ERC1: variants seen among roughly 807,000 people sequenced by gnomAD.
ERC1 encodes ELKS/RAB6-interacting/CAST family member 1, also known as RAB6 interacting protein 2.
ERC1 carries 56 observed loss-of-function variants against 132.0 expected under a neutral mutation model. The ratio of observed to expected loss-of-function variants is 0.42; its 90% CI spans 0.34 to 0.53. The LOEUF is 0.53. Ranked by LOEUF, ERC1 falls within the 20% of genes least tolerant of loss-of-function variation. The probability of loss-of-function intolerance (pLI) is 0.03; values close to 1 mark genes in which losing one functional copy is unlikely to be tolerated. For missense variants in ERC1, 1,202 were observed against 1,349.9 expected, an observed-to-expected ratio of 0.89 and a Z score of 1.72; for synonymous variants, 478 against 476.1, an observed-to-expected ratio of 1.00 and a Z score of -0.05.
At chr12:1,092,376 T>C (rs937669841) in intron 3 of ERC1, among the ~76,000 whole-genome samples, 10 of 152,242 alleles carry the variant, frequency 6.6e-5, no homozygotes, top group African/African-American at 2.4e-4. Flanking sequence ...CTTGGTGTCA[T>C]GTTAACAGTC....
chr12:1,355,437 C>T (rs2085430868), intron 15 of ERC1, among the ~76,000 whole-genome samples: 1 of 152,142 alleles, frequency 6.6e-6, no homozygotes. Flanking sequence ...ATATAGCCCC[C>T]TATTAAAGAT....
intron 1 of ERC1, among the ~76,000 whole-genome samples, chr12:1,007,894 CA>C (rs1396332935): frequency 1.3e-5 from 2 of 152,066 alleles, no homozygotes; most frequent in Non-Finnish European, 1.5e-5. Context: ...ATGTGTTTAA[CA>C]GCAGTATGGG....
chr12:1,110,363 A>G lies in ERC1; in HGVS notation c.1317+16A>G. ...GAAAAATAAGGTAATGGCATGTGAG[A>G]CTTTTGATTCTTAAAAGGAGTTTGA... is the stretch of plus-strand genomic sequence containing the variant. On this transcript the variant is annotated intron_variant, in intron 5 of 18. Transcript: ENST00000360905. 2 of 1,574,030 alleles carry G rather than the reference A, an allele frequency of 1.3e-6. No individual in the cohort carries two copies. The highest frequency in any genetic ancestry group is 1.7e-6 in the Non-Finnish European group (2 of 1,162,318).
chr12:1,298,137 C>T (rs188673260), intron 15 of ERC1, among the ~76,000 whole-genome samples: 387 of 152,210 alleles, frequency 2.5e-3, no homozygotes, highest in African/African-American at 8.6e-3. Flanking sequence ...AGATAGATTA[C>T]GAAGTGTTCG....
intron 12 of ERC1, among the ~76,000 whole-genome samples, chr12:1,191,444 TC>T (rs1955727197): frequency 6.6e-6 from 1 of 152,184 alleles, no homozygotes; most frequent in Admixed American, 6.5e-5. Context: ...ATTAGTGACT[TC>T]CCACTAAATA....
chr12:1,410,991 G>T (rs1254372258), intron 17 of ERC1, among the ~76,000 whole-genome samples: 1 of 151,784 alleles, frequency 6.6e-6, no homozygotes, highest in African/African-American at 2.4e-5. Context: ...TCAGCACCTC[G>T]GACACATCCC....
At chr12:1,187,996 C>T (rs1955299185) in intron 11 of ERC1, among the ~76,000 whole-genome samples, 1 of 152,070 alleles carries the variant, frequency 6.6e-6, no homozygotes, top group South Asian at 2.1e-4. Context: ...TAAGGACTCA[C>T]CAGCGTGTAT....
Position 1,139,595 on chromosome 12 carries a change from C to T in ERC1, c.1570-2025C>T, listed in dbSNP as rs149939079. Among the ~76,000 whole-genome samples, 271 of 151,986 alleles carry T rather than the reference C, an allele frequency of 1.8e-3. 3 individuals are homozygous for T. The highest frequency in any genetic ancestry group is 5.3e-3 in the African/African-American group (220 of 41,448). ...GGGGGTCTTGGATTATATTCTTCGA[C>T]GACAAGGGGGGATTACTGTATATGG... On this transcript the variant is annotated intron_variant, in intron 7 of 18. Transcript: ENST00000360905.
At chr12:1,207,010 G>A (rs763763190) in intron 12 of ERC1, among the ~76,000 whole-genome samples, 4 of 151,950 alleles carry the variant, frequency 2.6e-5, no homozygotes, top group Admixed American at 6.6e-5. Context: ...GGCATAAAAG[G>A]GTTAAGACCA....
intron 16 of ERC1, among the ~76,000 whole-genome samples, chr12:1,407,045 T>C (rs945223584): frequency 1.3e-5 from 2 of 152,180 alleles, no homozygotes; most frequent in African/African-American, 4.8e-5. Flanking sequence ...TCTAAGCTGC[T>C]TACTCTGCAG....
chr12:1,428,653 C>A (rs2092707933), intron 17 of ERC1, among the ~76,000 whole-genome samples: 1 of 152,218 alleles, frequency 6.6e-6, no homozygotes, highest in Non-Finnish European at 1.5e-5. Flanking sequence ...GTTCAACTCA[C>A]ATTTTATCTG....
intron 7 of ERC1, among the ~76,000 whole-genome samples, chr12:1,140,515 G>A (rs939251475): frequency 3.9e-5 from 6 of 152,124 alleles, no homozygotes; most frequent in African/African-American, 9.7e-5. Context: ...TCTGGAGTTT[G>A]GAGCATTTTG....
At chr12:1,115,692 TGGCTCAGGG>T in intron 6 of ERC1, 165 bp from the exon 7 acceptor site, 2 of 453,742 alleles carry the variant, frequency 4.4e-6, no homozygotes, top group Non-Finnish European at 7.7e-6. Flanking sequence ...TGGTTTTTTT[TGGCTCAGGG>T]TTGGGGAGAT....
intron 15 of ERC1, among the ~76,000 whole-genome samples, chr12:1,362,436 C>CTG (rs945560556): frequency 5.9e-5 from 9 of 151,622 alleles, no homozygotes; most frequent in African/African-American, 2.2e-4. Flanking sequence ...AGAGCTCTGT[C>CTG]TCTCTCTCTC....
chr12:1,206,934 TG>T (rs1368831905), intron 12 of ERC1, among the ~76,000 whole-genome samples: 1 of 152,126 alleles, frequency 6.6e-6, no homozygotes, highest in Non-Finnish European at 1.5e-5. Flanking sequence ...CAGAGCTTCG[TG>T]ATGACCTTGA....
intron 15 of ERC1, among the ~76,000 whole-genome samples, chr12:1,356,645 A>G (rs2085570519): frequency 6.6e-6 from 1 of 152,210 alleles, no homozygotes. Flanking sequence ...CTTTAACCGT[A>G]TGCCCCTTAT....
chr12:1,433,707 C>T (rs1175815800), intron 17 of ERC1, among the ~76,000 whole-genome samples: 1 of 152,172 alleles, frequency 6.6e-6, no homozygotes, highest in Non-Finnish European at 1.5e-5. Context: ...TTGAATGGTC[C>T]AGCAAAGGCT....
At chr12:1,011,333 A>G (rs1235207947) in intron 1 of ERC1, among the ~76,000 whole-genome samples, 1 of 152,124 alleles carries the variant, frequency 6.6e-6, no homozygotes, top group Non-Finnish European at 1.5e-5. Flanking sequence ...GCTCCCAAGT[A>G]GCTGGGACTA....
chr12:1,374,402 G>A (rs1195450097), intron 16 of ERC1, among the ~76,000 whole-genome samples: 2 of 152,044 alleles, frequency 1.3e-5, no homozygotes, highest in Non-Finnish European at 2.9e-5. Flanking sequence ...CCCCTACAGG[G>A]TAACTTGTCT....
Sources: allele counts gnomAD v4.1 joint callset (sites outside exome capture counted in the v4.1 genomes callset), GRCh38; gene constraint gnomAD v4.1.1; transcripts MANE v1.5; gene names NCBI Gene and HGNC (gene_info 2026-07-23, HGNC 2026-07-21).